PZP: variants seen among roughly 807,000 people sequenced by gnomAD.
PZP encodes pregnancy zone protein.
In PZP, 150 loss-of-function variants were observed where a neutral mutation model predicts 179.8. That is an observed-to-expected ratio of 0.83 (90% CI 0.73 to 0.96). The LOEUF (loss-of-function observed/expected upper bound fraction) is 0.96. PZP is among the 40% of genes least tolerant of loss of function. PZP has a pLI of 0.00. For synonymous variants in PZP, 624 were observed against 652.3 expected, an observed-to-expected ratio of 0.96 and a Z score of 0.66; for missense variants, 1,689 against 1,764.0, an observed-to-expected ratio of 0.96 and a Z score of 0.76.
chr12:9,201,704 T>C (rs1389353157), intron 4 of PZP, among the ~76,000 whole-genome samples: 7 of 152,134 alleles, frequency 4.6e-5, no homozygotes. Context: ...TAGAGTTATA[T>C]GTCATTATGA....
At chr12:9,196,736 T>C (rs766333509) in intron 8 of PZP, 51 bp from the exon 9 acceptor site, 3 of 1,429,074 alleles carry the variant, frequency 2.1e-6, no homozygotes, top group African/African-American at 2.8e-5. Context: ...AGATCAATAG[T>C]CACTGAATCT....
At chr12:9,207,991 T>C (rs902654210) in intron 1 of PZP, among the ~76,000 whole-genome samples, 2 of 152,174 alleles carry the variant, frequency 1.3e-5, no homozygotes, top group African/African-American at 4.8e-5. Context: ...AAAAGAACTG[T>C]TCTGTGAAGT....
In PZP at chr12:9,203,933, GA is replaced by G; in HGVS notation, c.101del (p.Val34AlafsTer17). On this transcript the variant is annotated frameshift_variant, in exon 2 of 36. Transcript: ENST00000261336. LOFTEE classifies it high-confidence loss of function. ...GGGCCTCAGTGTGGAGCAGGGAGGG[GA>G]CCAGCACCATATACTGCCTGGGAAA... ...NSTEPQYMVL[V>X]PSLLHTEAPK... The G allele has an allele frequency of 6.2e-7, 1 of 1,613,478 alleles. No individual in the cohort carries two copies. The highest frequency in any genetic ancestry group is 8.5e-7 in the Non-Finnish European group (1 of 1,179,492).
At position 9,195,180 on chromosome 12, in the gene PZP, A is replaced by G. The variant is rs548583982; in HGVS notation, c.1093-942T>C. 3.5e-4 allele frequency among the ~76,000 whole-genome samples: 54 copies of G among 152,284 alleles called. No individual in the cohort carries two copies. In the South Asian group the frequency reaches 9.9e-3, roughly 28 times the overall value. On this transcript the variant is annotated intron_variant, in intron 10 of 35. Coordinates refer to ENST00000261336, the MANE Select transcript of PZP (RefSeq NM_002864.3). ...GGATCTTCAAAAATTATTTGAATGT[A>G]TTAAATAATCACATGTACTCCCCAA...
In PZP at chr12:9,194,135, C is replaced by T; in HGVS notation, c.1196G>A (p.Gly399Asp). 6.2e-7 allele frequency: 1 copy of T among 1,613,986 alleles called. No homozygotes were observed. ...AGTATTGATTGAAAACTGTGCAAGA[C>T]CCTGCTCATTGGTGGTTGCATTGGA... ...YYSNATTNEQ[G>D]LAQFSINTTS... Residue 399 changes from glycine (G) to aspartate (D), a missense_variant, in exon 11 of 36, where the codon GGT becomes GAT. Physicochemically the swap from Gly to Asp is moderately conservative, Grantham distance 94. Around this residue, in one of 3 missense-constraint regions of PZP, gnomAD observed 742 missense variants for 730.5 expected, o/e 1.02. Coordinates refer to ENST00000261336, the MANE Select transcript of PZP (RefSeq NM_002864.3).
chr12:9,148,963 G>A lies in PZP; in HGVS notation c.*9C>T, dbSNP rs758772930. The A allele has an allele frequency of 1.9e-6, 3 of 1,607,272 alleles. No homozygotes were observed. The highest frequency in any genetic ancestry group is 1.7e-6 in the Non-Finnish European group (2 of 1,173,870). ...GAGAATCCACCAAAATATACAGCCT[G>A]TATGGTCCTCAAACATTTCCATGCT... On this transcript the variant is annotated 3_prime_UTR_variant, in exon 36 of 36. Coordinates refer to ENST00000261336, the MANE Select transcript of PZP (RefSeq NM_002864.3).
In PZP at chr12:9,157,348, A is replaced by C. The variant is rs948063863; in HGVS notation, c.3377T>G (p.Ile1126Ser). ...CAGGCAGAACAGGGCATTGCGAACA[A>C]TAGGGTTCTGTAAAGGCAAAATGTG... is the stretch of plus-strand genomic sequence containing the variant. ...LEIPLPVTNP[I>S]VRNALFCLES... Residue 1126 changes from isoleucine (I) to serine (S), a missense_variant, in exon 28 of 36, where the codon ATT (isoleucine) becomes AGT (serine). Physicochemically the swap from Ile to Ser is moderately radical, Grantham distance 142. Coordinates refer to ENST00000261336, the MANE Select transcript of PZP (RefSeq NM_002864.3). 2 of 1,612,650 alleles carry C rather than the reference A, an allele frequency of 1.2e-6. No individual in the cohort carries two copies. Among genetic ancestry groups the C allele is most frequent in the South Asian group, 2.2e-5 (2 of 90,986 alleles).
intron 25 of PZP, among the ~76,000 whole-genome samples, chr12:9,159,369 ACT>A (rs1941000369): frequency 6.6e-6 from 1 of 152,026 alleles, no homozygotes; most frequent in Admixed American, 6.5e-5. Context: ...GAAGCTAATA[ACT>A]CTCACTTCCC....
chr12:9,153,923 A>G (rs1940551041), intron 29 of PZP, among the ~76,000 whole-genome samples: 1 of 152,250 alleles, frequency 6.6e-6, no homozygotes, highest in African/African-American at 2.4e-5. Flanking sequence ...GAATTATGCT[A>G]GAAAAATACA....
At chr12:9,141,608 T>C in the PZP span, among the ~76,000 whole-genome samples, 1 of 152,246 alleles carries the variant, frequency 6.6e-6, no homozygotes, top group Non-Finnish European at 1.5e-5. Context: ...AAAACTTGCT[T>C]AAACCTTCAT....
downstream of PZP, among the ~76,000 whole-genome samples, chr12:9,144,823 G>A (rs769303320): frequency 1.9e-4 from 29 of 152,258 alleles, no homozygotes; most frequent in Non-Finnish European, 2.8e-4. Context: ...ATCTCTGGTC[G>A]GGGAGGGTTT....
At chr12:9,137,261 C>T in the PZP span, among the ~76,000 whole-genome samples, 6 of 152,062 alleles carry the variant, frequency 3.9e-5, no homozygotes, top group African/African-American at 1.4e-4. Context: ...ATACAGTTTT[C>T]TCCACACCAT....
chr12:9,154,920 A>G (rs2120564647), intron 28 of PZP, 81 bp from the exon 29 acceptor site: 1 of 1,336,942 alleles, frequency 7.5e-7, no homozygotes, highest in Non-Finnish European at 1.0e-6. Flanking sequence ...CACATTCATA[A>G]TACATGGAGC....
chr12:9,203,726 A>T, intron 2 of PZP, 42 bp downstream of exon 2: 1 of 1,602,204 alleles, frequency 6.2e-7, no homozygotes, highest in Non-Finnish European at 8.5e-7. Context: ...GCTCAATAAA[A>T]TGTATCAAGC....
At chr12:9,147,536 A>G (rs1940072733), downstream of PZP, among the ~76,000 whole-genome samples, 1 of 152,172 alleles carries the variant, frequency 6.6e-6, no homozygotes, top group Non-Finnish European at 1.5e-5. Context: ...TTTAGGATAC[A>G]GGAGTCTTTC....
chr12:9,165,023 G>C, intron 19 of PZP, 116 bp downstream of exon 19: 1 of 1,275,328 alleles, frequency 7.8e-7, no homozygotes, highest in South Asian at 1.3e-5. Context: ...ATTATTCACA[G>C]TGCTAACACA....
intron 7 of PZP, among the ~76,000 whole-genome samples, chr12:9,198,687 T>C (rs1278543650): frequency 6.6e-6 from 1 of 152,180 alleles, no homozygotes; most frequent in Non-Finnish European, 1.5e-5. Flanking sequence ...AACAGAATAA[T>C]ACACAATAAT....
At chr12:9,200,497 G>C (rs1275622875) in intron 6 of PZP, 49 bp from the exon 7 acceptor site, 2 of 1,384,334 alleles carry the variant, frequency 1.4e-6, no homozygotes, top group Non-Finnish European at 2.0e-6. Context: ...ACATTTATTG[G>C]AAATACAAAT....
intron 10 of PZP, among the ~76,000 whole-genome samples, chr12:9,195,798 C>T (rs1426807822): frequency 6.6e-6 from 1 of 150,816 alleles, no homozygotes; most frequent in Admixed American, 6.6e-5. Context: ...AATTAATTAT[C>T]AATATGAATA....
Sources: gnomAD v4.1 joint callset for allele counts (sites outside exome capture counted in the v4.1 genomes callset) on GRCh38, gnomAD v4.1.1 for gene constraint, gnomAD v4.1.1 regional missense constraint, MANE v1.5 for transcripts, NCBI Gene and HGNC (gene_info 2026-07-23, HGNC 2026-07-21) for gene names.